STAU2: variants seen among roughly 807,000 people sequenced by gnomAD.
The protein encoded by STAU2 is double-stranded RNA-binding protein Staufen homolog 2.
STAU2 carries 20 observed loss-of-function variants against 65.9 expected under a neutral mutation model. The observed-to-expected ratio is 0.30, with a 90% CI of 0.21 to 0.44. The LOEUF (loss-of-function observed/expected upper bound fraction) is 0.44. Ranked by LOEUF, STAU2 falls within the 20% of genes least tolerant of loss-of-function variation. STAU2 has a pLI of 1.00. For synonymous variants in STAU2, 232 were observed against 233.9 expected (o/e 0.99, Z 0.07); for missense variants, 558 against 683.9 (o/e 0.82, Z 2.05).
intron 12 of STAU2, among the ~76,000 whole-genome samples, chr8:73,575,189 A>G (rs1470379981): frequency 6.6e-6 from 1 of 151,832 alleles, no homozygotes; most frequent in East Asian, 1.9e-4. Context: ...GACATCAGAT[A>G]TGGTTATGTC....
At position 73,605,786 on chromosome 8, in the gene STAU2, G is replaced by T. The variant is rs116496483; in HGVS notation, c.892-1923C>A. Among the ~76,000 whole-genome samples, 848 of 150,294 alleles carry T rather than the reference G, an allele frequency of 5.6e-3. 5 individuals carry two copies. The highest frequency in any genetic ancestry group is 0.02 in the African/African-American group (809 of 40,846). On this transcript the variant is annotated intron_variant, in intron 9 of 14. Coordinates refer to ENST00000524300, the MANE Select transcript of STAU2 (RefSeq NM_001164380.2). ...TAGTATTGGTATAAAGACAGACAAAGGGACCAATGAAACAGAATAAGTGCC... is the reference window on the plus strand; with the variant it reads ...TAGTATTGGTATAAAGACAGACAAATGGACCAATGAAACAGAATAAGTGCC...
chr8:73,724,689 ATATTTT>A (rs1342995076), intron 3 of STAU2, among the ~76,000 whole-genome samples: 4 of 144,182 alleles, frequency 2.8e-5, no homozygotes, highest in African/African-American at 7.8e-5. Flanking sequence ...ATATATATAT[ATATTTT>A]TTTTTTTTTT....
chr8:73,460,325 G>C (rs2128899301), intron 13 of STAU2, among the ~76,000 whole-genome samples: 1 of 152,316 alleles, frequency 6.6e-6, no homozygotes, highest in South Asian at 2.1e-4. Flanking sequence ...TTCCAGGTTA[G>C]AAGAGAGACA....
chr8:73,562,472 C>G (rs1808303952), intron 12 of STAU2, among the ~76,000 whole-genome samples: 1 of 152,102 alleles, frequency 6.6e-6, no homozygotes, highest in Admixed American at 6.5e-5. Flanking sequence ...GACACACTGT[C>G]TCTTTAAAAA....
chr8:73,539,295 A>G (rs1806371337), intron 13 of STAU2, among the ~76,000 whole-genome samples: 1 of 152,190 alleles, frequency 6.6e-6, no homozygotes, highest in African/African-American at 2.4e-5. Context: ...TAGACACCAA[A>G]CTCAATACAT....
At chr8:73,714,258 T>G (rs1179849799) in intron 3 of STAU2, among the ~76,000 whole-genome samples, 1 of 152,190 alleles carries the variant, frequency 6.6e-6, no homozygotes, top group Non-Finnish European at 1.5e-5. Flanking sequence ...TCTCTGCTAT[T>G]GGAGGGAACT....
intron 13 of STAU2, among the ~76,000 whole-genome samples, chr8:73,461,654 C>T (rs2128900094): frequency 1.3e-5 from 2 of 152,070 alleles, no homozygotes; most frequent in South Asian, 4.2e-4. Context: ...AGAGCACAAG[C>T]ACAAGCACGG....
Position 73,567,270 on chromosome 8 carries a change from G to A in STAU2, c.1223-14951C>T, listed in dbSNP as rs375992298. On this transcript the variant is annotated intron_variant, in intron 12 of 14. Transcript: ENST00000524300. Reference sequence around the variant, plus strand: ...CGCTTGTAATCCCAGCACCTTGGGAGGCCGAGGCGGGCAGATCACCTCAGG... The same window carrying A: ...CGCTTGTAATCCCAGCACCTTGGGAAGCCGAGGCGGGCAGATCACCTCAGG... Among the ~76,000 whole-genome samples the A allele has an allele frequency of 6.1e-4, 93 of 152,272 alleles. No homozygotes were observed. The South Asian group carries it at 0.018, about 30-fold the overall frequency.
intron 13 of STAU2, among the ~76,000 whole-genome samples, chr8:73,492,597 A>G (rs1346431084): frequency 6.6e-6 from 1 of 151,868 alleles, no homozygotes; most frequent in African/African-American, 2.4e-5. Context: ...TTAGGACCCA[A>G]TTCCTAAGAA....
At chr8:73,626,253 A>G (rs1226825836) in intron 6 of STAU2, among the ~76,000 whole-genome samples, 7 of 152,338 alleles carry the variant, frequency 4.6e-5, no homozygotes, top group Admixed American at 4.6e-4. Flanking sequence ...CAGAAAGAAA[A>G]AGTGCTCTAA....
In STAU2 at chr8:73,582,330, A is replaced by T. The variant is rs574896633; in HGVS notation, c.1222+440T>A. 9.2e-5 allele frequency among the ~76,000 whole-genome samples: 14 copies of T among 151,874 alleles called. No individual in the cohort carries two copies. In the South Asian group the frequency reaches 2.7e-3, roughly 29 times the overall value. On this transcript the variant is annotated intron_variant, in intron 12 of 14. Transcript: ENST00000524300. ...AAAACAATAAAATTTTATGTATATC[A>T]TAATTATATAAAAATTTGTGTGCAT...
intron 13 of STAU2, among the ~76,000 whole-genome samples, chr8:73,528,090 T>G (rs1016489091): frequency 6.6e-6 from 1 of 152,300 alleles, no homozygotes; most frequent in East Asian, 1.9e-4. Context: ...TCCAGCTTTT[T>G]ATAATACATG....
At chr8:73,481,675 T>C (rs983651976) in intron 13 of STAU2, among the ~76,000 whole-genome samples, 2 of 152,122 alleles carry the variant, frequency 1.3e-5, no homozygotes, top group Non-Finnish European at 2.9e-5. Flanking sequence ...AGAACTAAAA[T>C]GTTTTAAATA....
intron 3 of STAU2, among the ~76,000 whole-genome samples, chr8:73,723,104 ACACC>A (rs1269266913): frequency 3.3e-5 from 5 of 151,986 alleles, no homozygotes; most frequent in Non-Finnish European, 7.4e-5. Context: ...GCGTGCCCAC[ACACC>A]CACACACACA....
At chr8:73,746,730 G>T in intron 1 of STAU2, 53 bp downstream of exon 1, 1 of 1,129,032 alleles carries the variant, frequency 8.9e-7, no homozygotes, top group Non-Finnish European at 1.1e-6. Context: ...TGCCTTCTTC[G>T]CCGGCGGCGC....
chr8:73,727,319 C>A (rs180972515), intron 3 of STAU2, among the ~76,000 whole-genome samples: 153 of 152,284 alleles, frequency 1.0e-3, no homozygotes, highest in African/African-American at 3.5e-3. Flanking sequence ...ATACCTAGTT[C>A]CAAAACACTG....
intron 13 of STAU2, 142 bp downstream of exon 13, chr8:73,551,870 T>C (rs1423020977): frequency 7.5e-7 from 1 of 1,333,718 alleles, no homozygotes. Flanking sequence ...TTTTTGTCTG[T>C]CCTTTGTGTT....
chr8:73,420,929 A>G lies in STAU2; in HGVS notation c.*443T>C, dbSNP rs552323670. Reference sequence around the variant, plus strand: ...CAACCATCACATTCCACAGCACATCATTGGTTCATTTTCGAATTGTCAAGC... The same window carrying G: ...CAACCATCACATTCCACAGCACATCGTTGGTTCATTTTCGAATTGTCAAGC... On this transcript the variant is annotated 3_prime_UTR_variant, in exon 15 of 15. Transcript: ENST00000524300. The G allele has an allele frequency of 4.8e-4, 77 of 160,868 alleles. No individual in the cohort carries two copies. The highest frequency in any genetic ancestry group is 8.0e-4 in the Non-Finnish European group (59 of 73,332). 10.0% of individuals were successfully genotyped at this position (160,868 alleles called of 1,614,324 possible). A position where few individuals can be genotyped will look rare whatever the true frequency, so the allele number is the denominator to read the frequency against.
intron 13 of STAU2, among the ~76,000 whole-genome samples, chr8:73,478,161 T>A (rs1400077566): frequency 5.3e-5 from 8 of 151,526 alleles, no homozygotes; most frequent in African/African-American, 1.7e-4. Context: ...CACTTACAGA[T>A]AAGGGCTATA....
Sources: gnomAD v4.1 joint callset for allele counts (sites outside exome capture counted in the v4.1 genomes callset) on GRCh38, gnomAD v4.1.1 for gene constraint, MANE v1.5 for transcripts, NCBI Gene and HGNC (gene_info 2026-07-23, HGNC 2026-07-21) for gene names.